Variants in CTSO observed in about 807,000 individuals in gnomAD.
CTSO encodes the protein cathepsin O.
A neutral mutation model predicts 42.4 loss-of-function variants in CTSO; 40 were observed. That is an observed-to-expected ratio of 0.94 (90% CI 0.73 to 1.23). The LOEUF (loss-of-function observed/expected upper bound fraction) is 1.23, where lower values mean the gene tolerates loss of function less well. CTSO is among the 50% of genes most tolerant of loss of function. CTSO has a pLI of 0.00. For missense variants in CTSO, 441 were observed against 396.0 expected, an observed-to-expected ratio of 1.11 and a Z score of -0.96; for synonymous variants, 156 against 146.2, an observed-to-expected ratio of 1.07 and a Z score of -0.48.
At position 155,948,373 on chromosome 4, in the gene CTSO, TTGTG is replaced by T. The variant is rs55984712; in HGVS notation, c.136-5113_136-5110del. On this transcript the variant is annotated intron_variant, in intron 1 of 7. Coordinates refer to ENST00000433477, the MANE Select transcript of CTSO (RefSeq NM_001334.3). ...GAGGTAGAATCTCTTAAAGCTGCCT[TTGTG>T]TGTGTGTGTGTGTGTGTGTGTGCAC... is the stretch of plus-strand genomic sequence containing the variant. Among the ~76,000 whole-genome samples the T allele has an allele frequency of 5.7e-3, 859 of 151,084 alleles. 2 individuals are homozygous for T. The highest frequency in any genetic ancestry group is 0.012 in the African/African-American group (503 of 41,134).
intron 7 of CTSO, 83 bp from the exon 8 acceptor site, chr4:155,926,153 G>T (rs984467900): frequency 8.1e-6 from 8 of 989,162 alleles, no homozygotes; most frequent in Non-Finnish European, 1.2e-5. Context: ...TTTCATTTGG[G>T]TTCAGAAAGA....
intron 5 of CTSO, among the ~76,000 whole-genome samples, chr4:155,935,580 T>C (rs1743315842): frequency 6.6e-6 from 1 of 152,096 alleles, no homozygotes; most frequent in African/African-American, 2.4e-5. Context: ...CTTTCTCAAA[T>C]TGTACACTCC....
intron 1 of CTSO, among the ~76,000 whole-genome samples, chr4:155,945,631 G>A (rs900778127): frequency 2.6e-5 from 4 of 152,028 alleles, no homozygotes; most frequent in Non-Finnish European, 5.9e-5. Flanking sequence ...CAAGAAGAAG[G>A]GAATACGCTG....
chr4:155,925,369 G>A lies in CTSO; in HGVS notation c.*667C>T, dbSNP rs565743092. 2.0e-4 allele frequency: 31 copies of A among 152,306 alleles called. No homozygotes were observed. Among genetic ancestry groups the A allele is most frequent in the African/African-American group, 7.2e-4 (30 of 41,570 alleles). The allele number at this position is 152,306 out of a possible 1,614,324, so 9.4% of individuals were successfully genotyped here. A position where few individuals can be genotyped will look rare whatever the true frequency, so the allele number is the denominator to read the frequency against. On this transcript the variant is annotated 3_prime_UTR_variant, in exon 8 of 8. Transcript: ENST00000433477. ...AACAATAATTTGTCTCTCAGGCAAT[G>A]CTACTAGAAGTTACTTATATAGTTG...
rs2110896791 is a variant in CTSO, at chr4:155,924,707, G to A, written c.*1329C>T. ...ATTCAATCAGAAGGTCAACTCCTTT[G>A]CTCTAAGGTTCTTACACTGCTAACA... On this transcript the variant is annotated 3_prime_UTR_variant, in exon 8 of 8. Transcript: ENST00000433477. 1 of 152,240 alleles carries A rather than the reference G, an allele frequency of 6.6e-6. No individual in the cohort carries two copies. The highest frequency in any genetic ancestry group is 1.5e-5 in the Non-Finnish European group (1 of 68,008). The allele number at this position is 152,240 out of a possible 1,614,324, so 9.4% of individuals were successfully genotyped here.
chr4:155,929,642 A>C lies in CTSO; in HGVS notation c.738T>G (p.Asp246Glu). 6.2e-7 allele frequency: 1 copy of C among 1,614,020 alleles called. No homozygotes were observed. The highest frequency in any genetic ancestry group is 8.5e-7 in the Non-Finnish European group (1 of 1,179,986). The part of the protein sequence containing the change: ...LTFGPLVVIV[D>E]AVSWQDYLGG... ...CCAGATAATCTTGCCAGCTCACTGC[A>C]TCTACTATGACTACCAAAGGGCCAA... Residue 246 changes from aspartate to glutamate, a missense_variant, in exon 6 of 8, where the codon GAT becomes GAG. Transcript: ENST00000433477.
chr4:155,942,552 A>C (rs1743461464), intron 2 of CTSO, 96 bp from the exon 3 acceptor site: 1 of 496,304 alleles, frequency 2.0e-6, no homozygotes, highest in African/African-American at 2.1e-5. Flanking sequence ...AAAGACAATC[A>C]ATATTATATT....
chr4:155,943,368 T>C lies in CTSO; in HGVS notation c.136-104A>G. On this transcript the variant is annotated intron_variant, in intron 1 of 7. Transcript: ENST00000433477. Reference sequence around the variant, plus strand: ...ATTTTTCAATTATAAAGTTAAAGCTTGATTTCCTTCAGACTACAATGTAAA... The same window carrying C: ...ATTTTTCAATTATAAAGTTAAAGCTCGATTTCCTTCAGACTACAATGTAAA... The C allele has an allele frequency of 6.5e-6, 4 of 611,592 alleles. No individual in the cohort carries two copies. The South Asian group carries it at 1.0e-4, about 16-fold the overall frequency. The allele number at this position is 611,592 out of a possible 1,614,324, so 37.9% of individuals were successfully genotyped here. A position where few individuals can be genotyped will look rare whatever the true frequency, so the allele number is the denominator to read the frequency against.
intron 1 of CTSO, among the ~76,000 whole-genome samples, chr4:155,948,219 C>T (rs1448126002): frequency 6.6e-6 from 1 of 152,114 alleles, no homozygotes; most frequent in Non-Finnish European, 1.5e-5. Flanking sequence ...GGCATTAGTA[C>T]GTCTTGTGCA....
rs747605744 is a variant in CTSO at position 155,925,856 on chromosome 4, G to T, written c.*180C>A. 137 of 588,234 alleles carry T rather than the reference G, an allele frequency of 2.3e-4. No homozygotes were observed. The highest frequency in any genetic ancestry group is 1.1e-3 in the Middle Eastern group (3 of 2,822). The allele number at this position is 588,234 out of a possible 1,614,324, so 36.4% of individuals were successfully genotyped here. A position where few individuals can be genotyped will look rare whatever the true frequency, so the allele number is the denominator to read the frequency against. ...TGCTGGAGTTTGTCCCACTGACTTT[G>T]GTTGTCCATCTCTCTACAAGAAGGG... On this transcript the variant is annotated 3_prime_UTR_variant, in exon 8 of 8. Transcript: ENST00000433477.
intron 5 of CTSO, among the ~76,000 whole-genome samples, chr4:155,936,948 A>C (rs1743341462): frequency 6.6e-6 from 1 of 152,234 alleles, no homozygotes; most frequent in Non-Finnish European, 1.5e-5. Context: ...TTAGCTGCAC[A>C]GTCTGTACAA....
In CTSO at chr4:155,953,810, A is replaced by AGCAGCCACG. The variant is rs763561825; in HGVS notation, c.29_37dup (p.Pro10_Leu12dup). The AGCAGCCACG allele has an allele frequency of 6.9e-5, 93 of 1,348,420 alleles. No individual in the cohort carries two copies. The highest frequency in any genetic ancestry group is 4.6e-4 in the East Asian group (15 of 32,432). 83.5% of individuals were successfully genotyped at this position (1,348,420 alleles called of 1,614,324 possible). A position where few individuals can be genotyped will look rare whatever the true frequency, so the allele number is the denominator to read the frequency against. On this transcript the variant is annotated inframe_insertion, in exon 1 of 8. Coordinates refer to ENST00000433477, the MANE Select transcript of CTSO (RefSeq NM_001334.3). ...GCCGCCGCCCCGGCACAGCAGCCAC[A>AGCAGCCACG]GCAGCCACGGCAGCCACGGCAGCGC... is the stretch of plus-strand genomic sequence containing the variant.
At chr4:155,938,298 A>G (rs903557518) in intron 4 of CTSO, among the ~76,000 whole-genome samples, 1 of 152,196 alleles carries the variant, frequency 6.6e-6, no homozygotes, top group African/African-American at 2.4e-5. Context: ...AAGGGAGGAG[A>G]CTCATAATTC....
At chr4:155,942,565 A>T in intron 2 of CTSO, 109 bp from the exon 3 acceptor site, 1 of 410,176 alleles carries the variant, frequency 2.4e-6, no homozygotes, top group South Asian at 1.1e-4. Context: ...ATTATATTAT[A>T]GGGAGACAAC....
rs1743458355 is a variant in CTSO, at chr4:155,942,458, T to A, written c.245-2A>T. ...AAGGTTTGCTTCTTAAATAAATGGC[T>A]GAGTAGAAACATAAAATGAAAATAC... On this transcript the variant is annotated splice_acceptor_variant, in intron 2 of 7. Coordinates refer to ENST00000433477, the MANE Select transcript of CTSO (RefSeq NM_001334.3). LOFTEE classifies it high-confidence loss of function. The A allele has an allele frequency of 3.3e-6, 5 of 1,501,258 alleles. No individual in the cohort carries two copies. Among genetic ancestry groups the A allele is most frequent in the African/African-American group, 1.4e-5 (1 of 70,102 alleles). 93.0% of individuals were successfully genotyped at this position (1,501,258 alleles called of 1,614,324 possible).
intron 1 of CTSO, among the ~76,000 whole-genome samples, chr4:155,952,283 T>C (rs1436386642): frequency 1.3e-5 from 2 of 152,208 alleles, no homozygotes; most frequent in African/African-American, 4.8e-5. Context: ...CATCAGGGTA[T>C]GGCCTCTTTA....
At chr4:155,944,734 A>G (rs1743509418) in intron 1 of CTSO, among the ~76,000 whole-genome samples, 2 of 152,100 alleles carry the variant, frequency 1.3e-5, no homozygotes, top group African/African-American at 4.8e-5. Context: ...AAGGCTTGCT[A>G]TTTGGGAGAC....
chr4:155,939,475 T>C lies in CTSO; in HGVS notation c.448A>G (p.Lys150Glu), dbSNP rs776839819. ...TGGACACTTAGGTCTTCCAGGGGCT[T>C]CCCCTTTATTGCATAAGCAGATTCC... ...AVESAYAIKG[K>E]PLEDLSVQQV... The change falls in exon 4 of 8, where the codon AAG (lysine) becomes GAG (glutamate). Residue 150 changes from lysine to glutamate, a missense_variant. Transcript: ENST00000433477. The C allele has an allele frequency of 1.2e-6, 2 of 1,614,106 alleles. No individual in the cohort carries two copies. Among genetic ancestry groups the C allele is most frequent in the South Asian group, 2.2e-5 (2 of 91,084 alleles).
chr4:155,952,669 A>C (rs1477411983), intron 1 of CTSO, among the ~76,000 whole-genome samples: 1 of 152,254 alleles, frequency 6.6e-6, no homozygotes, highest in African/African-American at 2.4e-5. Flanking sequence ...AAAACGTAAG[A>C]GTGGACAGAA....
Sources: allele counts gnomAD v4.1 joint callset (sites outside exome capture counted in the v4.1 genomes callset), GRCh38; gene constraint gnomAD v4.1.1; transcripts MANE v1.5; gene names NCBI Gene and HGNC (gene_info 2026-07-23, HGNC 2026-07-21).